Variants in PTK2B observed in about 807,000 individuals in gnomAD.
PTK2B encodes the protein protein tyrosine kinase 2 beta.
PTK2B carries 71 observed loss-of-function variants against 142.9 expected under a neutral mutation model. The ratio of observed to expected loss-of-function variants is 0.50; its 90% CI spans 0.41 to 0.61. The LOEUF is 0.61. Among genes scored for constraint, PTK2B ranks in the 20% least tolerant of loss-of-function variants. The pLI is 0.00. For missense variants in PTK2B, 1,105 were observed against 1,320.4 expected, an observed-to-expected ratio of 0.84 and a Z score of 2.53; for synonymous variants, 519 against 503.4, an observed-to-expected ratio of 1.03 and a Z score of -0.42.
rs115581758 is a variant in PTK2B, at chr8:27,357,575, G to T, written c.-38+31894G>T. Among the ~76,000 whole-genome samples the T allele has an allele frequency of 4.0e-3, 613 of 152,366 alleles. 2 individuals carry two copies. The highest frequency in any genetic ancestry group is 0.014 in the African/African-American group (579 of 41,580). On this transcript the variant is annotated intron_variant, in intron 1 of 30. Coordinates refer to ENST00000346049, the MANE Select transcript of PTK2B (RefSeq NM_173176.3). ...AACCACCAGCTTTGAAGGAAATTGG[G>T]TCTCTTGTTGTGAAACTGGGCTTTC...
intron 11 of PTK2B, 81 bp downstream of exon 11, chr8:27,433,633 A>C: frequency 8.4e-7 from 1 of 1,186,844 alleles, no homozygotes; most frequent in Non-Finnish European, 1.2e-6. Flanking sequence ...GGCAGAAGCT[A>C]AGCCACTGAT....
At chr8:27,439,233 C>T in intron 19 of PTK2B, 76 bp from the exon 20 acceptor site, 1 of 1,563,862 alleles carries the variant, frequency 6.4e-7, no homozygotes, top group Non-Finnish European at 8.8e-7. Flanking sequence ...GGCTAAGGGT[C>T]TTCAGAAAGT....
intron 1 of PTK2B, among the ~76,000 whole-genome samples, chr8:27,355,317 G>T (rs1244178308): frequency 6.6e-6 from 1 of 152,182 alleles, no homozygotes; most frequent in East Asian, 1.9e-4. Flanking sequence ...AAGTCAGAAA[G>T]AGGGAGGGAA....
chr8:27,311,353 T>C, upstream of PTK2B: 1 of 1,288,936 alleles, frequency 7.8e-7, no homozygotes, highest in Non-Finnish European at 1.0e-6. Flanking sequence ...CCTGGAACGC[T>C]GAGAGACAGC....
upstream of PTK2B, among the ~76,000 whole-genome samples, chr8:27,324,646 A>G (rs1803312491): frequency 6.6e-6 from 1 of 152,228 alleles, no homozygotes; most frequent in South Asian, 2.1e-4. Flanking sequence ...ATCCTCTAGA[A>G]TTGTGCAACA....
chr8:27,409,721 C>A (rs1184815489), intron 2 of PTK2B, among the ~76,000 whole-genome samples: 1 of 152,118 alleles, frequency 6.6e-6, no homozygotes, highest in Non-Finnish European at 1.5e-5. Context: ...AAAATGTAAG[C>A]AAGACTTATT....
intron 1 of PTK2B, among the ~76,000 whole-genome samples, chr8:27,375,930 A>C (rs567066634): frequency 6.6e-6 from 1 of 152,236 alleles, no homozygotes; most frequent in African/African-American, 2.4e-5. Flanking sequence ...CACTTGACAC[A>C]TGATGCCAAT....
At chr8:27,361,828 G>GC (rs1004893246) in intron 1 of PTK2B, among the ~76,000 whole-genome samples, 2 of 151,972 alleles carry the variant, frequency 1.3e-5, no homozygotes, top group East Asian at 1.9e-4. Flanking sequence ...AAGTCTATCC[G>GC]CCCCCCTGCT....
chr8:27,322,797 C>G (rs948844055), upstream of PTK2B: 1 of 140,420 alleles, frequency 7.1e-6, no homozygotes, highest in Non-Finnish European at 1.5e-5. Context: ...CAAATCAGTC[C>G]TCTTTCAACC....
intron 24 of PTK2B, among the ~76,000 whole-genome samples, chr8:27,448,939 T>C (rs1432443922): frequency 6.6e-6 from 1 of 152,246 alleles, no homozygotes; most frequent in Non-Finnish European, 1.5e-5. Context: ...TTTGTTTTCC[T>C]AAAATAAGGT....
chr8:27,354,481 G>A (rs758759951), intron 1 of PTK2B, among the ~76,000 whole-genome samples: 8 of 152,278 alleles, frequency 5.3e-5, no homozygotes, highest in African/African-American at 1.2e-4. Context: ...GAAAGGAGAC[G>A]TTGCAGACAG....
chr8:27,344,833 C>G lies in PTK2B; in HGVS notation c.-38+19152C>G, dbSNP rs139112927. Among the ~76,000 whole-genome samples, 834 of 152,262 alleles carry G rather than the reference C, an allele frequency of 5.5e-3. 11 individuals are homozygous for G. Among genetic ancestry groups the G allele is most frequent in the African/African-American group, 0.019 (800 of 41,542 alleles). On this transcript the variant is annotated intron_variant, in intron 1 of 30. Coordinates refer to ENST00000346049, the MANE Select transcript of PTK2B (RefSeq NM_173176.3). Reference sequence around the variant, plus strand: ...CCAAGAAGTCTCAGACCATACAGAACACTTACAATTTTTCTTGGAGGAAGG... The same window carrying G: ...CCAAGAAGTCTCAGACCATACAGAAGACTTACAATTTTTCTTGGAGGAAGG...
intron 15 of PTK2B, 67 bp downstream of exon 15, chr8:27,436,415 C>A: frequency 6.7e-7 from 1 of 1,493,362 alleles, no homozygotes; most frequent in Non-Finnish European, 9.3e-7. Flanking sequence ...GAGCTCGAAT[C>A]TGAGCAGGTT....
chr8:27,430,822 G>A, intron 7 of PTK2B, 54 bp from the exon 8 acceptor site: 3 of 1,591,718 alleles, frequency 1.9e-6, no homozygotes, highest in Non-Finnish European at 1.7e-6. Flanking sequence ...CTAAGGGAAG[G>A]AGTGAGACCT....
chr8:27,352,452 C>T (rs1805153601), intron 1 of PTK2B, among the ~76,000 whole-genome samples: 1 of 152,228 alleles, frequency 6.6e-6, no homozygotes, highest in Non-Finnish European at 1.5e-5. Context: ...CCACAATCTA[C>T]TTAACGTCTT....
intron 21 of PTK2B, among the ~76,000 whole-genome samples, chr8:27,442,581 G>T (rs577686067): frequency 2.2e-4 from 34 of 152,326 alleles, no homozygotes; most frequent in African/African-American, 6.5e-4. Context: ...TGAGGAGTGG[G>T]GCTGCAGTCA....
At chr8:27,337,593 A>G (rs1804151260) in intron 1 of PTK2B, among the ~76,000 whole-genome samples, 1 of 152,218 alleles carries the variant, frequency 6.6e-6, no homozygotes, top group Non-Finnish European at 1.5e-5. Context: ...CATTCCATAT[A>G]AGTGGAATTG....
chr8:27,439,448 T>C (rs953718239), intron 20 of PTK2B, 50 bp downstream of exon 20: 3 of 1,555,410 alleles, frequency 1.9e-6, no homozygotes, highest in African/African-American at 1.4e-5. Flanking sequence ...TTCTCACTTC[T>C]GAACCAGGCT....
At position 27,362,219 on chromosome 8, in the gene PTK2B, C is replaced by T. The variant is rs148730524; in HGVS notation, c.-37-35329C>T. 6.0e-3 allele frequency among the ~76,000 whole-genome samples: 916 copies of T among 152,074 alleles called. 6 individuals are homozygous for T. Among genetic ancestry groups the T allele is most frequent in the African/African-American group, 0.02 (840 of 41,336 alleles). Reference sequence around the variant, plus strand: ...AAAAGTTAGAGCCTCAGGGCAGCACCAGGAGCCTGCACTTTCCGGGGCCTC... The same window carrying T: ...AAAAGTTAGAGCCTCAGGGCAGCACTAGGAGCCTGCACTTTCCGGGGCCTC... On this transcript the variant is annotated intron_variant, in intron 1 of 30. Transcript: ENST00000346049.
Sources: gnomAD v4.1 joint callset for allele counts (sites outside exome capture counted in the v4.1 genomes callset) on GRCh38, gnomAD v4.1.1 for gene constraint, MANE v1.5 for transcripts, NCBI Gene and HGNC (gene_info 2026-07-23, HGNC 2026-07-21) for gene names.